The following TMEM217B variants were observed in gnomAD, a reference collection of about 807,000 sequenced individuals.
TMEM217B encodes the protein transmembrane protein 217B.
the TMEM217B span, among the ~76,000 whole-genome samples, chr6:37,238,524 G>C: frequency 2.0e-5 from 3 of 152,130 alleles, no homozygotes; most frequent in African/African-American, 4.8e-5. Flanking sequence ...TGTATCCAGG[G>C]TGTTCATGGC....
At chr6:37,221,114 C>G in the TMEM217B span, among the ~76,000 whole-genome samples, 1 of 152,146 alleles carries the variant, frequency 6.6e-6, no homozygotes, top group Non-Finnish European at 1.5e-5. Flanking sequence ...TCCCCCTGCC[C>G]CAGCTCCTGG....
chr6:37,254,059 T>C, the TMEM217B span, among the ~76,000 whole-genome samples: 2 of 152,164 alleles, frequency 1.3e-5, no homozygotes, highest in African/African-American at 4.8e-5. Flanking sequence ...ACTCTTGAGA[T>C]AAAGTAAACA....
the TMEM217B span, among the ~76,000 whole-genome samples, chr6:37,242,441 G>C: frequency 6.6e-6 from 1 of 152,150 alleles, no homozygotes; most frequent in Admixed American, 6.5e-5. Flanking sequence ...GCCTTTAAGA[G>C]CCTAGATTTT....
At chr6:37,219,509 G>A in the TMEM217B span, among the ~76,000 whole-genome samples, 1 of 152,180 alleles carries the variant, frequency 6.6e-6, no homozygotes, top group African/African-American at 2.4e-5. Context: ...GGGAGGCTGA[G>A]GTGTGAGGAT....
At chr6:37,227,721 T>C in the TMEM217B span, among the ~76,000 whole-genome samples, 1 of 152,166 alleles carries the variant, frequency 6.6e-6, no homozygotes, top group African/African-American at 2.4e-5. Context: ...TGTGCTGGGA[T>C]TACAGGTATG....
chr6:37,243,561 C>T, the TMEM217B span, among the ~76,000 whole-genome samples: 1 of 152,134 alleles, frequency 6.6e-6, no homozygotes, highest in Admixed American at 6.6e-5. Flanking sequence ...AGTTATTACT[C>T]AAATCAATCT....
At chr6:37,235,505 A>G in the TMEM217B span, among the ~76,000 whole-genome samples, 1 of 151,994 alleles carries the variant, frequency 6.6e-6, no homozygotes, top group Non-Finnish European at 1.5e-5. Flanking sequence ...AGCTGGGACT[A>G]CAGGCACCCG....
the TMEM217B span, chr6:37,218,992 C>T: frequency 1.2e-6 from 2 of 1,614,152 alleles, no homozygotes; most frequent in South Asian, 2.2e-5. Flanking sequence ...ACACGGTGCC[C>T]ATTTTGGCAG....
the TMEM217B span, among the ~76,000 whole-genome samples, chr6:37,248,789 T>C: frequency 5.3e-5 from 8 of 152,216 alleles, no homozygotes; most frequent in South Asian, 1.7e-3. Flanking sequence ...TTTCTTTATA[T>C]CCTGCATGAG....
At chr6:37,220,591 TTTTAAC>T in the TMEM217B span, among the ~76,000 whole-genome samples, 2 of 152,202 alleles carry the variant, frequency 1.3e-5, no homozygotes, top group African/African-American at 2.4e-5. Context: ...GAAGTATTTT[TTTTAAC>T]TTTAAGTTAT....
chr6:37,218,867 A>T, the TMEM217B span: 1 of 1,614,164 alleles, frequency 6.2e-7, no homozygotes, highest in Non-Finnish European at 8.5e-7. Flanking sequence ...GTTATTTATG[A>T]TGTTACTTGC....
At chr6:37,213,037 G>C in the TMEM217B span, 1 of 1,374,798 alleles carries the variant, frequency 7.3e-7, no homozygotes, top group East Asian at 2.5e-5. Flanking sequence ...CAAGATGGCA[G>C]AGGTAGCCTT....
At chr6:37,241,054 A>G in the TMEM217B span, among the ~76,000 whole-genome samples, 1 of 149,384 alleles carries the variant, frequency 6.7e-6, no homozygotes, top group Non-Finnish European at 1.5e-5. Context: ...GGATATTAGC[A>G]TTTTTTCAAT....
the TMEM217B span, among the ~76,000 whole-genome samples, chr6:37,228,920 C>G: frequency 6.6e-6 from 1 of 151,712 alleles, no homozygotes; most frequent in African/African-American, 2.4e-5. Flanking sequence ...TGGCGTGAAC[C>G]TGGGAGGTGG....
the TMEM217B span, among the ~76,000 whole-genome samples, chr6:37,217,376 T>C: frequency 6.6e-6 from 1 of 152,236 alleles, no homozygotes; most frequent in Admixed American, 6.5e-5. Flanking sequence ...TGTAATCATA[T>C]ACTGTCTTAT....
the TMEM217B span, among the ~76,000 whole-genome samples, chr6:37,238,973 T>C: frequency 6.6e-6 from 1 of 151,682 alleles, no homozygotes; most frequent in Non-Finnish European, 1.5e-5. Context: ...CTACTAAAAA[T>C]ACAAAAATTA....
chr6:37,228,219 G>T, the TMEM217B span, among the ~76,000 whole-genome samples: 2 of 152,070 alleles, frequency 1.3e-5, no homozygotes, highest in Non-Finnish European at 2.9e-5. Context: ...AACATAGCAA[G>T]ACTCCATTTC....
the TMEM217B span, among the ~76,000 whole-genome samples, chr6:37,238,822 T>C: frequency 6.6e-6 from 1 of 152,236 alleles, no homozygotes; most frequent in African/African-American, 2.4e-5. Context: ...TAAGTATTGA[T>C]ATATGATTTT....
chr6:37,252,607 GTATGTGTGTGTATA>G, the TMEM217B span, among the ~76,000 whole-genome samples: 9 of 35,864 alleles, frequency 2.5e-4, no homozygotes, highest in African/African-American at 4.9e-4. Flanking sequence ...GTGTGTGTGT[GTATGTGTGTGTATA>G]TATATATATA....
Sources: allele counts gnomAD v4.1 joint callset (sites outside exome capture counted in the v4.1 genomes callset), GRCh38; gene constraint gnomAD v4.1.1; transcripts MANE v1.5; gene names NCBI Gene and HGNC (gene_info 2026-07-23, HGNC 2026-07-21).